Variants in RHBDD1 observed in about 807,000 individuals in gnomAD.
The protein encoded by RHBDD1 is rhomboid domain containing 1, also known as rhomboid-related protein 4.
In RHBDD1, 38 loss-of-function variants were observed where a neutral mutation model predicts 36.3. That is an observed-to-expected ratio of 1.05 (90% CI 0.81 to 1.37). The LOEUF is 1.37. Among genes scored for constraint, RHBDD1 ranks in the 40% most tolerant of loss-of-function variants. The pLI is 0.00. For missense variants in RHBDD1, 393 were observed against 377.6 expected (o/e 1.04, Z -0.34); for synonymous variants, 151 against 136.5 (o/e 1.11, Z -0.74).
At chr2:226,894,266 A>ATTATTT (rs1051269610) in intron 5 of RHBDD1, among the ~76,000 whole-genome samples, 2 of 151,938 alleles carry the variant, frequency 1.3e-5, no homozygotes, top group Non-Finnish European at 1.5e-5. Flanking sequence ...TGTAATTCAT[A>ATTATTT]TTATTTTTAT....
the RHBDD1 span, among the ~76,000 whole-genome samples, chr2:226,830,555 TA>T: frequency 1.3e-5 from 2 of 152,216 alleles, no homozygotes; most frequent in African/African-American, 4.8e-5. Flanking sequence ...GTGCAGTGGC[TA>T]TTCAAAGATG....
intron 5 of RHBDD1, among the ~76,000 whole-genome samples, chr2:226,905,904 G>T (rs1230281223): frequency 6.6e-6 from 1 of 152,110 alleles, no homozygotes; most frequent in Non-Finnish European, 1.5e-5. Flanking sequence ...GTGCGCGGGG[G>T]TGTCTAGAGG....
At chr2:226,925,276 T>A (rs1054789470) in intron 8 of RHBDD1, among the ~76,000 whole-genome samples, 1 of 152,232 alleles carries the variant, frequency 6.6e-6, no homozygotes, top group Non-Finnish European at 1.5e-5. Flanking sequence ...TATTTGTTTT[T>A]AAGTTACTGA....
intron 8 of RHBDD1, among the ~76,000 whole-genome samples, chr2:226,974,532 C>T (rs868526393): frequency 1.3e-5 from 2 of 152,290 alleles, no homozygotes; most frequent in East Asian, 1.9e-4. Context: ...CCACCGTGCC[C>T]GGCCTGGGTG....
At chr2:226,953,604 C>T (rs1439803999) in intron 8 of RHBDD1, among the ~76,000 whole-genome samples, 1 of 152,080 alleles carries the variant, frequency 6.6e-6, no homozygotes, top group Non-Finnish European at 1.5e-5. Flanking sequence ...TTTGTTTTAA[C>T]TATAATATAC....
At chr2:226,975,840 A>C (rs1954465527) in intron 8 of RHBDD1, among the ~76,000 whole-genome samples, 1 of 152,164 alleles carries the variant, frequency 6.6e-6, no homozygotes, top group Non-Finnish European at 1.5e-5. Flanking sequence ...GCAAGATTTC[A>C]TTGTCACCAA....
At chr2:226,906,411 A>G (rs912142338) in intron 5 of RHBDD1, among the ~76,000 whole-genome samples, 1 of 152,148 alleles carries the variant, frequency 6.6e-6, no homozygotes, top group African/African-American at 2.4e-5. Context: ...CAATGGCTGG[A>G]TAATTCCAGA....
At chr2:226,897,860 T>G (rs942523366) in intron 5 of RHBDD1, among the ~76,000 whole-genome samples, 3 of 152,068 alleles carry the variant, frequency 2.0e-5, no homozygotes, top group Admixed American at 6.5e-5. Flanking sequence ...GCACCTGCAA[T>G]CTCAGTTACT....
At chr2:226,886,514 T>C (rs576693685) in intron 5 of RHBDD1, among the ~76,000 whole-genome samples, 1 of 152,278 alleles carries the variant, frequency 6.6e-6, no homozygotes, top group African/African-American at 2.4e-5. Flanking sequence ...AGTAGGACAG[T>C]GGAAGCTCCT....
At chr2:226,946,903 A>G (rs1157084418) in intron 8 of RHBDD1, among the ~76,000 whole-genome samples, 4 of 152,216 alleles carry the variant, frequency 2.6e-5, no homozygotes, top group African/African-American at 9.6e-5. Context: ...CCTGGATGCA[A>G]GGCTGGTTCA....
chr2:226,910,085 A>G lies in RHBDD1; in HGVS notation c.712+1207A>G, dbSNP rs1948412943. Among the ~76,000 whole-genome samples the G allele has an allele frequency of 2.6e-5, 4 of 152,300 alleles. 1 individual carries two copies. Among genetic ancestry groups the G allele is most frequent in the Middle Eastern group, 6.8e-3 (2 of 294 alleles). On this transcript the variant is annotated intron_variant, in intron 7 of 8. Coordinates refer to ENST00000392062, the MANE Select transcript of RHBDD1 (RefSeq NM_001167608.3). The stretch of plus-strand genomic sequence containing the variant: ...CTTATTCCTAGCTCCTGCCTTTTCT[A>G]CTGTGTAAGGATATGAGATTGACAC...
At position 226,880,765 on chromosome 2, in the gene RHBDD1, GA is replaced by G. The variant is rs1325751025; in HGVS notation, c.566+13448del. Among the ~76,000 whole-genome samples the G allele has an allele frequency of 2.0e-5, 3 of 152,184 alleles. No homozygotes were observed. In the East Asian group the frequency reaches 5.8e-4, roughly 29 times the overall value. On this transcript the variant is annotated intron_variant, in intron 5 of 8. Coordinates refer to ENST00000392062, the MANE Select transcript of RHBDD1 (RefSeq NM_001167608.3). ...GTTTTCTTTAGGTATTCTTTTCAAA[GA>G]GATTTAGTACAACAACTTCTTTTAA...
chr2:226,923,552 G>A (rs954097614), intron 8 of RHBDD1, among the ~76,000 whole-genome samples: 3 of 151,998 alleles, frequency 2.0e-5, no homozygotes, highest in South Asian at 2.1e-4. Flanking sequence ...CTTGAATATT[G>A]ACATCTTTCT....
the RHBDD1 span, among the ~76,000 whole-genome samples, chr2:226,828,282 T>C: frequency 6.6e-6 from 1 of 152,360 alleles, no homozygotes; most frequent in Non-Finnish European, 1.5e-5. Context: ...ATCCGTGTTA[T>C]AGGATGAATC....
At chr2:226,921,629 A>G (rs1358702072) in intron 8 of RHBDD1, among the ~76,000 whole-genome samples, 1 of 152,102 alleles carries the variant, frequency 6.6e-6, no homozygotes, top group East Asian at 1.9e-4. Flanking sequence ...ATTTCCATGT[A>G]TTTGTCTAGT....
chr2:226,866,204 G>T (rs1944318527), intron 4 of RHBDD1, among the ~76,000 whole-genome samples: 1 of 152,076 alleles, frequency 6.6e-6, no homozygotes, highest in Non-Finnish European at 1.5e-5. Context: ...CCGAGTAGCT[G>T]GGACTACAAG....
intron 5 of RHBDD1, among the ~76,000 whole-genome samples, chr2:226,868,874 T>A (rs1256967295): frequency 6.6e-6 from 1 of 152,240 alleles, no homozygotes; most frequent in Non-Finnish European, 1.5e-5. Flanking sequence ...AAGTTTTCTT[T>A]GAGAAAGCAT....
chr2:226,846,913 G>A (rs1942286224), intron 3 of RHBDD1, among the ~76,000 whole-genome samples: 1 of 152,130 alleles, frequency 6.6e-6, no homozygotes. Flanking sequence ...CCTGACCTTT[G>A]CTTGTGGAAG....
At chr2:226,862,855 A>G (rs542413848) in intron 3 of RHBDD1, among the ~76,000 whole-genome samples, 2 of 152,362 alleles carry the variant, frequency 1.3e-5, no homozygotes, top group East Asian at 3.9e-4. Context: ...TAGCATGTGC[A>G]GAGATCATGT....
Sources: gnomAD v4.1 joint callset for allele counts (sites outside exome capture counted in the v4.1 genomes callset) on GRCh38, gnomAD v4.1.1 for gene constraint, MANE v1.5 for transcripts, NCBI Gene and HGNC (gene_info 2026-07-23, HGNC 2026-07-21) for gene names.